The following OPCML variants were observed in gnomAD, a reference collection of about 807,000 sequenced individuals.
The protein encoded by OPCML is opioid binding protein/cell adhesion molecule like, also known as opioid-binding protein/cell adhesion molecule.
In OPCML, 13 loss-of-function variants were observed where a neutral mutation model predicts 37.8. The observed-to-expected ratio is 0.34, with a 90% confidence interval of 0.22 to 0.55. The LOEUF (loss-of-function observed/expected upper bound fraction) is 0.55. Among genes scored for constraint, OPCML ranks in the 20% least tolerant of loss-of-function variants. The pLI is 0.91. For missense variants in OPCML, 341 were observed against 435.6 expected, an observed-to-expected ratio of 0.78 and a Z score of 1.93; for synonymous variants, 176 against 168.8, an observed-to-expected ratio of 1.04 and a Z score of -0.33.
At chr11:132,615,592 T>C (rs1342018411) in intron 3 of OPCML, among the ~76,000 whole-genome samples, 1 of 152,168 alleles carries the variant, frequency 6.6e-6, no homozygotes, top group Non-Finnish European at 1.5e-5. Context: ...TTATTAGGTA[T>C]TATAAGTAAT....
rs551143442 is a variant in OPCML at position 133,063,345 on chromosome 11, C to G, written c.62-120335G>C. On this transcript the variant is annotated intron_variant, in intron 1 of 7. Coordinates refer to ENST00000524381, the MANE Select transcript of OPCML (RefSeq NM_001012393.5). ...TTAAACCCAACAGACTAGACAGCCT[C>G]CCATGGGGTCAGAAAGGAGGAAAGC... is the stretch of plus-strand genomic sequence containing the variant. Among the ~76,000 whole-genome samples the G allele has an allele frequency of 4.0e-3, 612 of 152,254 alleles. 7 individuals carry two copies. Among genetic ancestry groups the G allele is most frequent in the African/African-American group, 0.014 (592 of 41,548 alleles).
chr11:133,271,811 T>C (rs1258306966), intron 1 of OPCML, among the ~76,000 whole-genome samples: 1 of 152,226 alleles, frequency 6.6e-6, no homozygotes, highest in Admixed American at 6.5e-5. Flanking sequence ...ACTTTCTCAT[T>C]CATTTGTTTG....
At chr11:132,640,173 G>A (rs944956641) in intron 3 of OPCML, among the ~76,000 whole-genome samples, 5 of 152,164 alleles carry the variant, frequency 3.3e-5, no homozygotes, top group African/African-American at 1.2e-4. Context: ...GAGAAAGAGC[G>A]AGGCAGGATG....
chr11:133,246,603 G>A (rs1940934662), intron 1 of OPCML, among the ~76,000 whole-genome samples: 1 of 152,216 alleles, frequency 6.6e-6, no homozygotes, highest in Admixed American at 6.5e-5. Flanking sequence ...CTGAAGGTCA[G>A]GGAGAGGACA....
rs934992985 is a variant in OPCML at position 133,131,151 on chromosome 11, A to G, written c.62-188141T>C. ...AAAAGATGGCTGTCTGTGAACCAGG[A>G]AGCAGGCTTTCAGCAGACACTAAAT... On this transcript the variant is annotated intron_variant, in intron 1 of 7. Coordinates refer to ENST00000524381, the MANE Select transcript of OPCML (RefSeq NM_001012393.5). Among the ~76,000 whole-genome samples the G allele has an allele frequency of 5.3e-5, 8 of 152,096 alleles. No homozygotes were observed. In the South Asian group the frequency reaches 6.2e-4, roughly 12 times the overall value.
intron 3 of OPCML, among the ~76,000 whole-genome samples, chr11:132,581,652 T>C (rs145062632): frequency 6.6e-6 from 1 of 152,156 alleles, no homozygotes; most frequent in Non-Finnish European, 1.5e-5. Context: ...AACCTGAAAA[T>C]GGACTTAAAA....
intron 4 of OPCML, among the ~76,000 whole-genome samples, chr11:132,442,759 C>T (rs1048945458): frequency 1.1e-4 from 17 of 152,146 alleles, no homozygotes; most frequent in Non-Finnish European, 2.2e-4. Flanking sequence ...AATGGGAGTT[C>T]CCCTGCACAA....
At chr11:133,428,790 C>T (rs1946059548) in intron 1 of OPCML, among the ~76,000 whole-genome samples, 1 of 151,890 alleles carries the variant, frequency 6.6e-6, no homozygotes, top group Non-Finnish European at 1.5e-5. Context: ...TATGAAATTC[C>T]AATAAAAAAA....
intron 1 of OPCML, among the ~76,000 whole-genome samples, chr11:133,049,081 A>G (rs1948079241): frequency 1.3e-5 from 2 of 152,244 alleles, no homozygotes; most frequent in African/African-American, 4.8e-5. Context: ...ACAGCAGGAA[A>G]TGGCACAAAT....
At chr11:132,724,212 C>T (rs1301773589) in intron 2 of OPCML, among the ~76,000 whole-genome samples, 1 of 152,074 alleles carries the variant, frequency 6.6e-6, no homozygotes, top group Non-Finnish European at 1.5e-5. Flanking sequence ...AAGCAAGCTT[C>T]CCCAAAACAT....
At chr11:133,262,378 C>T (rs140423882) in intron 1 of OPCML, among the ~76,000 whole-genome samples, 7 of 152,222 alleles carry the variant, frequency 4.6e-5, no homozygotes, top group Admixed American at 2.6e-4. Context: ...ATGTAATGTG[C>T]GGAGCATGAG....
intron 1 of OPCML, chr11:133,024,664 G>A: frequency 2.3e-6 from 2 of 859,470 alleles, no homozygotes; most frequent in Non-Finnish European, 1.4e-6. Context: ...TGACAGTGGT[G>A]AAGATGTTTG....
rs1345105391 is a variant in OPCML, at chr11:133,173,001, A to G, written c.62-229991T>C. On this transcript the variant is annotated intron_variant, in intron 1 of 7. Transcript: ENST00000524381. The surrounding 1 kb of genome is among the most constrained non-coding windows in gnomAD (Gnocchi z 7.8). Reference sequence around the variant, plus strand: ...TGGAAATTATAACACTTAAAGTTGAATTTTTATGAAAAGTTACATGGCTTA... The same window carrying G: ...TGGAAATTATAACACTTAAAGTTGAGTTTTTATGAAAAGTTACATGGCTTA... 1.3e-5 allele frequency among the ~76,000 whole-genome samples: 2 copies of G among 152,202 alleles called. No homozygotes were observed. Among genetic ancestry groups the G allele is most frequent in the African/African-American group, 2.4e-5 (1 of 41,448 alleles).
chr11:132,869,634 A>T (rs1942718164), intron 2 of OPCML, among the ~76,000 whole-genome samples: 1 of 152,242 alleles, frequency 6.6e-6, no homozygotes, highest in Non-Finnish European at 1.5e-5. Flanking sequence ...CCACAGCATC[A>T]TCTGTACAAT....
intron 2 of OPCML, among the ~76,000 whole-genome samples, chr11:132,920,597 C>T (rs933466752): frequency 6.6e-6 from 1 of 152,138 alleles, no homozygotes; most frequent in Non-Finnish European, 1.5e-5. Context: ...AGGACAGCCG[C>T]GGCCCCTGGG....
chr11:133,261,391 C>T lies in OPCML; in HGVS notation c.61+270873G>A, dbSNP rs548971731. Among the ~76,000 whole-genome samples the T allele has an allele frequency of 7.9e-5, 12 of 152,302 alleles. No individual in the cohort carries two copies. The East Asian group carries it at 2.3e-3, about 29-fold the overall frequency. On this transcript the variant is annotated intron_variant, in intron 1 of 7. Coordinates refer to ENST00000524381, the MANE Select transcript of OPCML (RefSeq NM_001012393.5). ...CAGTCTTGGGTTCTAATTCGAAACACTTTCAGTGGCTCCATGTTAAACACA... is the reference window on the plus strand; with the variant it reads ...CAGTCTTGGGTTCTAATTCGAAACATTTTCAGTGGCTCCATGTTAAACACA...
At chr11:133,106,467 C>A (rs1160852024) in intron 1 of OPCML, among the ~76,000 whole-genome samples, 1 of 152,204 alleles carries the variant, frequency 6.6e-6, no homozygotes, top group Non-Finnish European at 1.5e-5. Flanking sequence ...AATCAGAGCT[C>A]AAGCTTTTAT....
intron 2 of OPCML, among the ~76,000 whole-genome samples, chr11:132,903,308 T>C (rs566916662): frequency 7.2e-5 from 11 of 152,338 alleles, no homozygotes; most frequent in Non-Finnish European, 1.6e-4. Flanking sequence ...TGTTTTATAA[T>C]ATTTATGCCA....
At chr11:132,623,974 A>G (rs993794435) in intron 3 of OPCML, among the ~76,000 whole-genome samples, 2 of 152,216 alleles carry the variant, frequency 1.3e-5, no homozygotes, top group African/African-American at 2.4e-5. Flanking sequence ...TCAATTTAAC[A>G]TATGTTGGTG....
Sources: allele counts gnomAD v4.1 joint callset (sites outside exome capture counted in the v4.1 genomes callset), GRCh38; gene constraint gnomAD v4.1.1; non-coding constraint Gnocchi (gnomAD v3.1); transcripts MANE v1.5; gene names NCBI Gene and HGNC (gene_info 2026-07-23, HGNC 2026-07-21).